The following USP32 variants were observed in gnomAD, a reference collection of about 807,000 sequenced individuals.
The protein encoded by USP32 is ubiquitin specific peptidase 32.
A neutral mutation model predicts 204.8 loss-of-function variants in USP32; 59 were observed. That is an observed-to-expected ratio of 0.29 (90% CI 0.23 to 0.36). The LOEUF (loss-of-function observed/expected upper bound fraction) is 0.36. Ranked by LOEUF, USP32 falls within the 10% of genes least tolerant of loss-of-function variation. The probability of loss-of-function intolerance (pLI) is 1.00; values close to 1 mark genes in which losing one functional copy is unlikely to be tolerated. For missense variants in USP32, 1,160 were observed against 1,946.4 expected, an observed-to-expected ratio of 0.60 and a Z score of 7.60; for synonymous variants, 517 against 678.4, an observed-to-expected ratio of 0.76 and a Z score of 3.70.
At chr17:60,211,661 T>C (rs2084970550) in intron 19 of USP32, 147 bp from the exon 20 acceptor site, 1 of 1,291,406 alleles carries the variant, frequency 7.7e-7, no homozygotes, top group Non-Finnish European at 1.0e-6. Flanking sequence ...TCTGAAATGC[T>C]AGAGAAGGCT....
intron 21 of USP32, among the ~76,000 whole-genome samples, chr17:60,210,055 G>A (rs189904548): frequency 6.6e-6 from 1 of 151,670 alleles, no homozygotes; most frequent in East Asian, 1.9e-4. Flanking sequence ...TACATTTTCT[G>A]GTCTTGTTGC....
intron 13 of USP32, 125 bp downstream of exon 13, chr17:60,225,914 A>T: frequency 9.6e-7 from 1 of 1,039,540 alleles, no homozygotes; most frequent in Non-Finnish European, 1.3e-6. Flanking sequence ...AGATCGCGCC[A>T]CTGCGCTCCA....
At chr17:60,343,528 G>T (rs577465598) in intron 2 of USP32, among the ~76,000 whole-genome samples, 11 of 152,192 alleles carry the variant, frequency 7.2e-5, no homozygotes, top group African/African-American at 2.7e-4. Flanking sequence ...CATGGAAATT[G>T]AACAACCTGC....
At chr17:60,332,520 C>T (rs1202708751) in intron 2 of USP32, among the ~76,000 whole-genome samples, 10 of 151,572 alleles carry the variant, frequency 6.6e-5, no homozygotes, top group Admixed American at 3.9e-4. Context: ...TGGTGGTGGG[C>T]GCCTGTGATC....
intron 2 of USP32, among the ~76,000 whole-genome samples, chr17:60,333,555 G>A (rs2088440294): frequency 6.6e-6 from 1 of 151,972 alleles, no homozygotes; most frequent in Non-Finnish European, 1.5e-5. Context: ...AGCCAAGATT[G>A]TGCCACTGCA....
At chr17:60,385,447 G>C (rs557899396) in intron 1 of USP32, among the ~76,000 whole-genome samples, 16 of 152,186 alleles carry the variant, frequency 1.1e-4, no homozygotes, top group Non-Finnish European at 2.2e-4. Context: ...TTTGGAGTCT[G>C]AGGCAAGAGA....
At chr17:60,191,524 T>A (rs531554259) in intron 28 of USP32, among the ~76,000 whole-genome samples, 1 of 151,896 alleles carries the variant, frequency 6.6e-6, no homozygotes, top group South Asian at 2.1e-4. Flanking sequence ...TTATTATTTT[T>A]CTTGAGATGG....
At chr17:60,417,236 T>G (rs561606012) in intron 1 of USP32, among the ~76,000 whole-genome samples, 36 of 152,126 alleles carry the variant, frequency 2.4e-4, no homozygotes, top group African/African-American at 8.7e-4. Context: ...TCTTTCTTTC[T>G]TTTTATTTTA....
intron 1 of USP32, among the ~76,000 whole-genome samples, chr17:60,413,876 G>GAAAA (rs753405307): frequency 2.1e-5 from 2 of 95,146 alleles, no homozygotes; most frequent in African/African-American, 3.8e-5. Flanking sequence ...AAAAAAAAAA[G>GAAAA]AAAAAAAAAA....
rs2084845745 is a variant in USP32 at position 60,207,007 on chromosome 17, T to C, written c.3037+14A>G. 6.8e-6 allele frequency: 11 copies of C among 1,607,298 alleles called. No individual in the cohort carries two copies. The highest frequency in any genetic ancestry group is 9.3e-6 in the Non-Finnish European group (11 of 1,176,986). On this transcript the variant is annotated intron_variant, in intron 25 of 33. Coordinates refer to ENST00000300896, the MANE Select transcript of USP32 (RefSeq NM_032582.4). ...AAGGAGCAATCATGAGAAGGAGTTC[T>C]AGTTCTATCTTACCTGTCTGTGTTG...
At chr17:60,252,313 G>A in intron 11 of USP32, 68 bp downstream of exon 11, 2 of 1,196,600 alleles carry the variant, frequency 1.7e-6, no homozygotes, top group Non-Finnish European at 1.2e-6. Flanking sequence ...AGGACATGCT[G>A]TTCCTCAGTA....
At chr17:60,275,371 C>T (rs539772408) in intron 5 of USP32, among the ~76,000 whole-genome samples, 3 of 152,160 alleles carry the variant, frequency 2.0e-5, no homozygotes, top group South Asian at 4.2e-4. Context: ...GCAGAAGAAT[C>T]GCTTGAACCT....
At chr17:60,261,955 T>C (rs942682395) in intron 9 of USP32, among the ~76,000 whole-genome samples, 3 of 152,160 alleles carry the variant, frequency 2.0e-5, no homozygotes, top group African/African-American at 7.2e-5. Context: ...ATGCATACAA[T>C]GATGATCAAA....
intron 9 of USP32, among the ~76,000 whole-genome samples, chr17:60,258,767 T>A (rs977410649): frequency 6.6e-6 from 1 of 152,238 alleles, no homozygotes; most frequent in Non-Finnish European, 1.5e-5. Flanking sequence ...AAGGTTTTGA[T>A]TGAAGATAAA....
At chr17:60,400,309 T>C (rs960813762) in intron 1 of USP32, among the ~76,000 whole-genome samples, 1 of 152,134 alleles carries the variant, frequency 6.6e-6, no homozygotes, top group African/African-American at 2.4e-5. Context: ...GTGTTGAAAG[T>C]GGACTGGAGT....
chr17:60,385,055 A>G (rs1425336786), intron 1 of USP32, among the ~76,000 whole-genome samples: 2 of 152,224 alleles, frequency 1.3e-5, no homozygotes, highest in East Asian at 1.9e-4. Flanking sequence ...CAACTGAAGA[A>G]TCACAAAAGA....
At chr17:60,332,005 G>A (rs1336411616) in intron 2 of USP32, among the ~76,000 whole-genome samples, 2 of 152,200 alleles carry the variant, frequency 1.3e-5, no homozygotes, top group African/African-American at 4.8e-5. Context: ...CACTTTGGGA[G>A]GCCAAGGTGG....
chr17:60,192,184 G>A (rs570795451), intron 28 of USP32, among the ~76,000 whole-genome samples: 28 of 152,026 alleles, frequency 1.8e-4, no homozygotes, highest in Non-Finnish European at 3.4e-4. Flanking sequence ...CCGGCTACTC[G>A]GGAGGCTGAG....
At chr17:60,202,392 T>C (rs2145461409) in intron 26 of USP32, among the ~76,000 whole-genome samples, 1 of 152,140 alleles carries the variant, frequency 6.6e-6, no homozygotes, top group South Asian at 2.1e-4. Context: ...AAGAGTATCT[T>C]GGTTATTCCT....
Sources: gnomAD v4.1 joint callset for allele counts (sites outside exome capture counted in the v4.1 genomes callset) on GRCh38, gnomAD v4.1.1 for gene constraint, MANE v1.5 for transcripts, NCBI Gene and HGNC (gene_info 2026-07-23, HGNC 2026-07-21) for gene names.